Variants in GRID2 observed in about 807,000 individuals in gnomAD.
GRID2 encodes glutamate receptor ionotropic, delta-2.
GRID2 carries 33 observed loss-of-function variants against 114.8 expected under a neutral mutation model. The ratio of observed to expected loss-of-function variants is 0.29; its 90% CI spans 0.22 to 0.38. The LOEUF (loss-of-function observed/expected upper bound fraction) is 0.38. Among genes scored for constraint, GRID2 ranks in the 10% least tolerant of loss-of-function variants. The pLI is 1.00. For synonymous variants in GRID2, 505 were observed against 449.9 expected, an observed-to-expected ratio of 1.12 and a Z score of -1.55; for missense variants, 1,184 against 1,257.7, an observed-to-expected ratio of 0.94 and a Z score of 0.89.
intron 13 of GRID2, among the ~76,000 whole-genome samples, chr4:93,558,326 A>G (rs1734533321): frequency 1.3e-5 from 2 of 152,060 alleles, no homozygotes; most frequent in East Asian, 2.0e-4. Flanking sequence ...TGAACAAAAT[A>G]GATAGACTAC....
chr4:93,136,648 T>C (rs934556165), intron 4 of GRID2, among the ~76,000 whole-genome samples: 1 of 152,154 alleles, frequency 6.6e-6, no homozygotes, highest in Non-Finnish European at 1.5e-5. Flanking sequence ...ATATATCCAT[T>C]ATATATGTAG....
intron 1 of GRID2, among the ~76,000 whole-genome samples, chr4:92,384,634 A>ATATATTATATGTTATATATTATATAT (rs1213264238): frequency 1.0e-5 from 1 of 95,466 alleles, no homozygotes; most frequent in African/African-American, 4.1e-5. Flanking sequence ...TATATATAAT[A>ATATATTATATGTTATATATTATATAT]TATATTATAT....
At chr4:93,134,283 C>A (rs1735049313) in intron 4 of GRID2, among the ~76,000 whole-genome samples, 1 of 152,088 alleles carries the variant, frequency 6.6e-6, no homozygotes. Context: ...ATAAGTTAGT[C>A]ATATTTCAGT....
rs191415144 is a variant in GRID2 at position 93,150,113 on chromosome 4, T to C, written c.735+39160T>C. On this transcript the variant is annotated intron_variant, in intron 4 of 15. Coordinates refer to ENST00000282020, the MANE Select transcript of GRID2 (RefSeq NM_001510.4). ...AAAAATATTTTTTTAAGAGCTAGAG[T>C]TGCCCCAGAGTTGAATAACTCATCT... Among the ~76,000 whole-genome samples, 95 of 152,232 alleles carry C rather than the reference T, an allele frequency of 6.2e-4. 1 individual carries two copies. Among genetic ancestry groups the C allele is most frequent in the African/African-American group, 2.1e-3 (87 of 41,546 alleles).
intron 4 of GRID2, among the ~76,000 whole-genome samples, chr4:93,126,463 T>C (rs1734267495): frequency 6.6e-6 from 1 of 152,102 alleles, no homozygotes; most frequent in Admixed American, 6.5e-5. Context: ...GCAGATGTCC[T>C]GTGCATTATA....
intron 2 of GRID2, among the ~76,000 whole-genome samples, chr4:92,984,614 G>A (rs543071230): frequency 6.6e-6 from 1 of 152,218 alleles, no homozygotes; most frequent in East Asian, 1.9e-4. Flanking sequence ...TCCTCATTTC[G>A]AGTAAGGAAT....
At chr4:92,579,539 T>C (rs115929155) in intron 1 of GRID2, among the ~76,000 whole-genome samples, 5,852 of 152,064 alleles carry the variant, frequency 0.038, 127 homozygotes, top group Middle Eastern at 0.088. Flanking sequence ...TAGATACAGT[T>C]TATATAGGAT....
intron 14 of GRID2, among the ~76,000 whole-genome samples, chr4:93,650,091 A>C (rs1722454589): frequency 6.6e-6 from 1 of 151,966 alleles, no homozygotes; most frequent in Non-Finnish European, 1.5e-5. Context: ...CTAGGCTCAC[A>C]CTTCCTCTGG....
intron 13 of GRID2, among the ~76,000 whole-genome samples, chr4:93,560,222 T>TAAAAAAATAAAAAAA (rs1734773585): frequency 2.3e-5 from 1 of 42,946 alleles, no homozygotes; most frequent in Non-Finnish European, 4.0e-5. Flanking sequence ...GAACTTAAAG[T>TAAAAAAATAAAAAAA]AAAAAAAAAA....
chr4:92,735,318 G>T (rs1736539505), intron 2 of GRID2, among the ~76,000 whole-genome samples: 1 of 151,946 alleles, frequency 6.6e-6, no homozygotes, highest in Non-Finnish European at 1.5e-5. Context: ...AGAAGCCTAA[G>T]ATAAAGTTTA....
intron 4 of GRID2, among the ~76,000 whole-genome samples, chr4:93,201,098 G>A (rs1160059795): frequency 6.6e-6 from 1 of 152,154 alleles, no homozygotes; most frequent in Non-Finnish European, 1.5e-5. Context: ...TCTGACTTTA[G>A]AGATTGCACT....
chr4:92,989,729 A>G (rs917841371), intron 2 of GRID2, among the ~76,000 whole-genome samples: 1 of 152,188 alleles, frequency 6.6e-6, no homozygotes, highest in Non-Finnish European at 1.5e-5. Flanking sequence ...GTACCATAAT[A>G]TTAACCTGTT....
At chr4:92,594,914 G>A (rs1728876975) in intron 2 of GRID2, among the ~76,000 whole-genome samples, 1 of 151,938 alleles carries the variant, frequency 6.6e-6, no homozygotes, top group African/African-American at 2.4e-5. Flanking sequence ...GCCATGAAAG[G>A]TGGAAATTTA....
At chr4:92,487,773 GTTTA>G (rs901814781) in intron 1 of GRID2, among the ~76,000 whole-genome samples, 11 of 136,678 alleles carry the variant, frequency 8.0e-5, no homozygotes, top group East Asian at 2.1e-4. Context: ...TTGTTTGTTT[GTTTA>G]TTTTTTCCTG....
intron 2 of GRID2, among the ~76,000 whole-genome samples, chr4:93,026,864 C>T (rs891086139): frequency 6.6e-6 from 1 of 151,926 alleles, no homozygotes; most frequent in Non-Finnish European, 1.5e-5. Flanking sequence ...AACCTGCTTA[C>T]TTTTTAAAAA....
At chr4:93,697,880 T>TATATATATATA (rs1208336606) in intron 14 of GRID2, among the ~76,000 whole-genome samples, 4 of 147,744 alleles carry the variant, frequency 2.7e-5, no homozygotes, top group Admixed American at 6.8e-5. Context: ...TATATATATA[T>TATATATATATA]TTCAAAACAA....
chr4:92,462,219 A>G, intron 1 of GRID2, among the ~76,000 whole-genome samples: 1 of 152,104 alleles, frequency 6.6e-6, no homozygotes, highest in East Asian at 1.9e-4. Flanking sequence ...TCGCTAAAAT[A>G]GAAGTGTGCT....
chr4:92,376,922 C>T (rs1045677787), intron 1 of GRID2, among the ~76,000 whole-genome samples: 3 of 152,092 alleles, frequency 2.0e-5, no homozygotes, highest in Admixed American at 6.6e-5. Flanking sequence ...GTCTGGTCCA[C>T]GAAACCACTT....
intron 2 of GRID2, among the ~76,000 whole-genome samples, chr4:93,036,872 C>T (rs1237048650): frequency 6.6e-6 from 1 of 152,072 alleles, no homozygotes; most frequent in Non-Finnish European, 1.5e-5. Context: ...GCTATTTCTC[C>T]ATTCTTTTAT....
Sources: gnomAD v4.1 joint callset for allele counts (sites outside exome capture counted in the v4.1 genomes callset) on GRCh38, gnomAD v4.1.1 for gene constraint, MANE v1.5 for transcripts, NCBI Gene and HGNC (gene_info 2026-07-23, HGNC 2026-07-21) for gene names.